Variants in AFG2A observed in about 807,000 individuals in gnomAD.
AFG2A encodes ATPase family gene 2 protein homolog A.
At chr4:123,115,708 C>T in the AFG2A span, among the ~76,000 whole-genome samples, 1 of 152,102 alleles carries the variant, frequency 6.6e-6, no homozygotes, top group South Asian at 2.1e-4. Flanking sequence ...CCTGCAACCC[C>T]ACCTGCACCC....
At chr4:122,923,089 A>AGC in the AFG2A span, 1 of 1,607,622 alleles carries the variant, frequency 6.2e-7, no homozygotes, top group South Asian at 1.1e-5. Flanking sequence ...TCTCAGTTGA[A>AGC]GCGCGCACAT....
the AFG2A span, among the ~76,000 whole-genome samples, chr4:122,950,476 A>T: frequency 1.2e-4 from 18 of 151,786 alleles, no homozygotes; most frequent in Admixed American, 9.2e-4. Flanking sequence ...AGTAGCTGGG[A>T]TTACAGGTGT....
the AFG2A span, among the ~76,000 whole-genome samples, chr4:122,955,968 A>G: frequency 6.6e-6 from 1 of 152,294 alleles, no homozygotes; most frequent in Admixed American, 6.5e-5. Flanking sequence ...CTTTCATTGC[A>G]TAAGGTGGTA....
At chr4:122,943,996 G>A in the AFG2A span, among the ~76,000 whole-genome samples, 364 of 152,160 alleles carry the variant, frequency 2.4e-3, 1 homozygote, top group African/African-American at 8.0e-3. Flanking sequence ...AGTTTCTGCC[G>A]AGAGATCCGC....
the AFG2A span, among the ~76,000 whole-genome samples, chr4:122,988,839 G>GAA: frequency 6.6e-6 from 1 of 151,944 alleles, no homozygotes; most frequent in African/African-American, 2.4e-5. Context: ...TTGTTTTTGT[G>GAA]ACAAGATAAT....
the AFG2A span, among the ~76,000 whole-genome samples, chr4:123,168,141 G>A: frequency 5.3e-5 from 8 of 152,166 alleles, no homozygotes; most frequent in Non-Finnish European, 7.3e-5. Context: ...GAGTGAGCCA[G>A]GATAATGCCA....
chr4:123,100,192 A>G, the AFG2A span, among the ~76,000 whole-genome samples: 17 of 151,776 alleles, frequency 1.1e-4, no homozygotes, highest in African/African-American at 4.1e-4. Flanking sequence ...ACCCACACTG[A>G]TGGGGAACTA....
At chr4:122,938,530 A>C in the AFG2A span, among the ~76,000 whole-genome samples, 30 of 152,200 alleles carry the variant, frequency 2.0e-4, no homozygotes, top group Non-Finnish European at 1.5e-4. Flanking sequence ...TTAAAACTTG[A>C]AGCAAAGATC....
chr4:123,274,362 A>G, the AFG2A span, among the ~76,000 whole-genome samples: 15 of 151,932 alleles, frequency 9.9e-5, no homozygotes, highest in Admixed American at 7.2e-4. Context: ...TACCATCCTA[A>G]AAACTCTGAT....
the AFG2A span, among the ~76,000 whole-genome samples, chr4:123,296,296 G>C: frequency 1.3e-5 from 2 of 152,112 alleles, no homozygotes; most frequent in East Asian, 3.8e-4. Context: ...AGCAAAATAA[G>C]GAATATGGGA....
chr4:123,163,258 A>G, the AFG2A span, among the ~76,000 whole-genome samples: 1 of 152,140 alleles, frequency 6.6e-6, no homozygotes, highest in Non-Finnish European at 1.5e-5. Context: ...ACATGGTGAA[A>G]CCCCGTCTCT....
At chr4:123,079,810 C>T in the AFG2A span, among the ~76,000 whole-genome samples, 1 of 119,292 alleles carries the variant, frequency 8.4e-6, no homozygotes, top group Non-Finnish European at 1.6e-5. Flanking sequence ...AATGCAGTGG[C>T]GAGGTCTCAG....
the AFG2A span, among the ~76,000 whole-genome samples, chr4:123,211,188 T>G: frequency 1.3e-5 from 2 of 152,196 alleles, no homozygotes. Context: ...CATTTCCTAG[T>G]CTCCGAAGAC....
At chr4:123,234,482 T>C in the AFG2A span, among the ~76,000 whole-genome samples, 1 of 152,110 alleles carries the variant, frequency 6.6e-6, no homozygotes, top group Non-Finnish European at 1.5e-5. Flanking sequence ...TTTTAAACAT[T>C]ATTAGTTTGC....
At chr4:123,198,607 A>T in the AFG2A span, among the ~76,000 whole-genome samples, 1 of 152,268 alleles carries the variant, frequency 6.6e-6, no homozygotes, top group South Asian at 2.1e-4. Context: ...AATTACCATT[A>T]ATTAGGACCA....
At chr4:123,035,469 A>G in the AFG2A span, among the ~76,000 whole-genome samples, 1 of 152,182 alleles carries the variant, frequency 6.6e-6, no homozygotes, top group Non-Finnish European at 1.5e-5. Context: ...TATTAAACAA[A>G]GACATATACT....
the AFG2A span, chr4:123,256,298 A>G: frequency 8.5e-7 from 1 of 1,181,248 alleles, no homozygotes; most frequent in Non-Finnish European, 1.2e-6. Flanking sequence ...AAATCTTGAA[A>G]CAGGAAGTGC....
At chr4:123,219,616 G>A in the AFG2A span, among the ~76,000 whole-genome samples, 1 of 152,034 alleles carries the variant, frequency 6.6e-6, no homozygotes, top group African/African-American at 2.4e-5. Context: ...TAATATGTGT[G>A]CTCTTAAGTA....
the AFG2A span, among the ~76,000 whole-genome samples, chr4:123,017,635 T>C: frequency 6.6e-6 from 1 of 152,092 alleles, no homozygotes; most frequent in Non-Finnish European, 1.5e-5. Context: ...GCAGTATCTT[T>C]AGTAATTTGG....
Sources: allele counts gnomAD v4.1 joint callset (sites outside exome capture counted in the v4.1 genomes callset), GRCh38; gene constraint gnomAD v4.1.1; transcripts MANE v1.5; gene names NCBI Gene and HGNC (gene_info 2026-07-23, HGNC 2026-07-21).